Variants in PRKDC observed in about 807,000 individuals in gnomAD.
PRKDC encodes the protein DNA-dependent protein kinase catalytic subunit.
A neutral mutation model predicts 486.9 loss-of-function variants in PRKDC; 82 were observed. That is an observed-to-expected ratio of 0.17 (90% CI 0.14 to 0.20). The LOEUF (loss-of-function observed/expected upper bound fraction) is 0.20. Ranked by LOEUF, PRKDC falls within the 10% of genes least tolerant of loss-of-function variation. The pLI, the probability that PRKDC is intolerant of heterozygous loss-of-function variation, is 1.00. For synonymous variants in PRKDC, 1,895 were observed against 1,837.0 expected (o/e 1.03, Z -0.81); for missense variants, 4,504 against 5,038.2 (o/e 0.89, Z 3.21).
At chr8:47,895,993 C>T (rs1014779569) in intron 30 of PRKDC, among the ~76,000 whole-genome samples, 3 of 151,480 alleles carry the variant, frequency 2.0e-5, no homozygotes, top group African/African-American at 4.9e-5. Flanking sequence ...GAGCCAAGAT[C>T]GTGCCATTGC....
rs192921658 is a variant in PRKDC at position 47,882,110 on chromosome 8, C to A, written c.4777-13G>T. On this transcript the variant is annotated splice_polypyrimidine_tract_variant and intron_variant, in intron 36 of 85. Transcript: ENST00000314191. ...AAACGGCACTCACCTGAGACAATTT[C>A]GTTGTGAGTGAAGAAAAATTCTTAA... The A allele has an allele frequency of 4.4e-5, 69 of 1,582,438 alleles. No individual in the cohort carries two copies. The Admixed American group carries it at 7.0e-4, about 16-fold the overall frequency.
chr8:47,800,667 T>G, intron 71 of PRKDC, 126 bp downstream of exon 71: 1 of 737,462 alleles, frequency 1.4e-6, no homozygotes, highest in Non-Finnish European at 2.0e-6. Flanking sequence ...AAATTGGCTG[T>G]GCATAACTGT....
intron 74 of PRKDC, among the ~76,000 whole-genome samples, chr8:47,792,124 A>G (rs1371645815): frequency 6.6e-6 from 1 of 152,190 alleles, no homozygotes; most frequent in Non-Finnish European, 1.5e-5. Context: ...CATTTGTGGA[A>G]GCTAAAAATT....
intron 16 of PRKDC, among the ~76,000 whole-genome samples, chr8:47,932,156 T>G (rs2090268527): frequency 6.6e-6 from 1 of 152,146 alleles, no homozygotes; most frequent in African/African-American, 2.4e-5. Flanking sequence ...CAATCTCGGC[T>G]CACTGCAACC....
chr8:47,861,041 G>A, intron 44 of PRKDC, 70 bp from the exon 45 acceptor site: 2 of 1,003,598 alleles, frequency 2.0e-6, no homozygotes, highest in South Asian at 1.9e-5. Context: ...TGTTTTAGTA[G>A]CAATCTGGCA....
At chr8:47,806,122 A>T (rs1397171417) in intron 69 of PRKDC, among the ~76,000 whole-genome samples, 1 of 152,190 alleles carries the variant, frequency 6.6e-6, no homozygotes, top group Non-Finnish European at 1.5e-5. Context: ...TCCCTGTCCA[A>T]GGCAGAAGCT....
intron 74 of PRKDC, among the ~76,000 whole-genome samples, chr8:47,791,539 A>T (rs1030358310): frequency 3.3e-5 from 5 of 152,180 alleles, no homozygotes; most frequent in Admixed American, 2.6e-4. Flanking sequence ...CAGGAAAAAA[A>T]AATCCAATCT....
intron 67 of PRKDC, 88 bp downstream of exon 67, chr8:47,819,314 A>G: frequency 1.2e-6 from 1 of 808,676 alleles, no homozygotes; most frequent in Non-Finnish European, 2.0e-6. Context: ...ATTAAGAAAC[A>G]TGCACTTTCA....
Position 47,828,223 on chromosome 8 carries a change from T to C in PRKDC, c.8522A>G (p.Asn2841Ser), listed in dbSNP as rs201099258. The C allele has an allele frequency of 7.0e-5, 113 of 1,613,786 alleles. No homozygotes were observed. Among genetic ancestry groups the C allele is most frequent in the East Asian group, 3.8e-4 (17 of 44,848 alleles). Residue 2841 changes from asparagine to serine, a missense_variant, in exon 62 of 86, where the codon AAT (asparagine) becomes AGT (serine). Physicochemically the swap from Asn to Ser is conservative, Grantham distance 46. Around this residue, in one of 6 missense-constraint regions of PRKDC, gnomAD observed 1,592 missense variants for 1,724.6 expected, o/e 0.92. Transcript: ENST00000314191. ...NITQKLLQDFNRFLNTTFSFF... is the reference protein window; with the variant it reads ...NITQKLLQDFSRFLNTTFSFF... Reference sequence around the variant, plus strand: ...AGAGAAGGTGGTATTAAGAAAACGATTGAAGTCTTGAAGCAACTTTTGAGT... The same window carrying C: ...AGAGAAGGTGGTATTAAGAAAACGACTGAAGTCTTGAAGCAACTTTTGAGT...
At chr8:47,828,096 T>C (rs1056870970) in intron 62 of PRKDC, 72 bp downstream of exon 62, 11 of 1,427,864 alleles carry the variant, frequency 7.7e-6, no homozygotes, top group Admixed American at 4.0e-5. Flanking sequence ...ACGGGAAACA[T>C]AGTGATGATG....
At chr8:47,844,254 T>C (rs538273725) in intron 54 of PRKDC, among the ~76,000 whole-genome samples, 1 of 152,296 alleles carries the variant, frequency 6.6e-6, no homozygotes, top group African/African-American at 2.4e-5. Flanking sequence ...TATTCTTTTA[T>C]CAGATAAAAT....
chr8:47,817,804 A>C (rs191688782), intron 67 of PRKDC, among the ~76,000 whole-genome samples: 18 of 152,362 alleles, frequency 1.2e-4, no homozygotes, highest in African/African-American at 4.3e-4. Flanking sequence ...TTTTACATTT[A>C]TTACAGGTCT....
chr8:47,901,486 CA>C lies in PRKDC; in HGVS notation c.3270-1020del, dbSNP rs928639796. On this transcript the variant is annotated intron_variant, in intron 27 of 85. Coordinates refer to ENST00000314191, the MANE Select transcript of PRKDC (RefSeq NM_006904.7). ...AAGACTCTGTCTCCAAAAACAAAAA[CA>C]AAAAAAAATAGAAAAGAAAAACCAT... 2.7e-5 allele frequency among the ~76,000 whole-genome samples: 4 copies of C among 149,910 alleles called. 1 individual carries two copies. In the East Asian group the frequency reaches 5.9e-4, roughly 22 times the overall value.
At chr8:47,929,765 A>T in intron 18 of PRKDC, 88 bp downstream of exon 18, 1 of 1,324,834 alleles carries the variant, frequency 7.5e-7, no homozygotes, top group Middle Eastern at 2.5e-4. Context: ...AAAACTGCAT[A>T]GGCCACAATC....
At chr8:47,811,914 T>C (rs1027012555) in intron 68 of PRKDC, among the ~76,000 whole-genome samples, 2 of 152,168 alleles carry the variant, frequency 1.3e-5, no homozygotes, top group African/African-American at 4.8e-5. Flanking sequence ...GTGATGCAGG[T>C]TGCAGTGAGC....
At chr8:47,867,671 G>A (rs554736687) in intron 40 of PRKDC, among the ~76,000 whole-genome samples, 22 of 152,058 alleles carry the variant, frequency 1.4e-4, no homozygotes, top group Non-Finnish European at 3.1e-4. Context: ...GATGCACAGC[G>A]TAAAGGAATA....
At position 47,776,962 on chromosome 8, in the gene PRKDC, T is replaced by G. The variant is rs780137148; in HGVS notation, c.12064A>C (p.Lys4022Gln). 6.2e-7 allele frequency: 1 copy of G among 1,610,054 alleles called. No homozygotes were observed. The change falls in exon 85 of 86, where the codon AAA becomes CAA. Residue 4022 changes from lysine to glutamine, a missense_variant. Lys to Gln is a moderately conservative substitution (Grantham distance 53). Coordinates refer to ENST00000314191, the MANE Select transcript of PRKDC (RefSeq NM_006904.7). ...DWKNFEQKML[K>Q]KGGSWIQEIN... is the part of the protein sequence containing the mutation. ...TCTTGAATCCATGACCCTCCTTTTT[T>G]CAGCATTTTCTGTTCAAAATTCTAG...
At chr8:47,871,398 G>A (rs1235849602) in intron 40 of PRKDC, among the ~76,000 whole-genome samples, 1 of 151,792 alleles carries the variant, frequency 6.6e-6, no homozygotes, top group Non-Finnish European at 1.5e-5. Flanking sequence ...CAGACTTATG[G>A]GTGGAAACTT....
rs767641548 is a variant in PRKDC at position 47,934,109 on chromosome 8, T to A, written c.1498-19A>T. 4 of 1,608,196 alleles carry A rather than the reference T, an allele frequency of 2.5e-6. No homozygotes were observed. In the Admixed American group the frequency reaches 6.8e-5, roughly 27 times the overall value. The stretch of plus-strand genomic sequence containing the variant: ...CAGGGCCCTGGCCAGAAAGACAGCA[T>A]GACAATATGTAGTGATGGATTCTCA... On this transcript the variant is annotated intron_variant, in intron 14 of 85. Transcript: ENST00000314191.
Sources: gnomAD v4.1 joint callset for allele counts (sites outside exome capture counted in the v4.1 genomes callset) on GRCh38, gnomAD v4.1.1 for gene constraint, gnomAD v4.1.1 regional missense constraint, MANE v1.5 for transcripts, NCBI Gene and HGNC (gene_info 2026-07-23, HGNC 2026-07-21) for gene names.